SCLT1: variants seen among roughly 807,000 people sequenced by gnomAD.
The protein encoded by SCLT1 is sodium channel-associated protein 1.
In SCLT1, 78 loss-of-function variants were observed where a neutral mutation model predicts 112.8. That is an observed-to-expected ratio of 0.69 (90% CI 0.58 to 0.83). SCLT1 has a LOEUF of 0.83. Ranked by LOEUF, SCLT1 falls within the 40% of genes least tolerant of loss-of-function variation. The pLI is 0.00. For missense variants in SCLT1, 747 were observed against 770.4 expected (o/e 0.97, Z 0.36); for synonymous variants, 257 against 254.7 (o/e 1.01, Z -0.09).
intron 15 of SCLT1, among the ~76,000 whole-genome samples, chr4:128,947,485 C>T (rs1479625988): frequency 6.6e-6 from 1 of 151,800 alleles, no homozygotes; most frequent in Non-Finnish European, 1.5e-5. Context: ...TTTTCATGTT[C>T]ATAATAGATA....
chr4:129,033,409 A>G (rs1042575850), intron 5 of SCLT1, among the ~76,000 whole-genome samples: 1 of 146,058 alleles, frequency 6.8e-6, no homozygotes, highest in Non-Finnish European at 1.5e-5. Context: ...TAAAACCTGG[A>G]TGACGGGTTG....
At chr4:129,064,206 A>G (rs1334646242) in intron 2 of SCLT1, among the ~76,000 whole-genome samples, 1 of 152,186 alleles carries the variant, frequency 6.6e-6, no homozygotes, top group African/African-American at 2.4e-5. Flanking sequence ...TAAGAGTTCT[A>G]TATAAATTTA....
intron 5 of SCLT1, among the ~76,000 whole-genome samples, chr4:129,025,808 TCA>T (rs1746008589): frequency 6.6e-6 from 1 of 151,480 alleles, no homozygotes; most frequent in Non-Finnish European, 1.5e-5. Context: ...GAAACCCATC[TCA>T]CGTGCAGAGA....
Position 129,003,884 on chromosome 4 carries a change from A to G in SCLT1, c.291-8T>C, listed in dbSNP as rs368977692. 3.0e-5 allele frequency: 49 copies of G among 1,608,506 alleles called. No homozygotes were observed. The African/African-American group carries it at 6.3e-4, about 21-fold the overall frequency. On this transcript the variant is annotated splice_region_variant and splice_polypyrimidine_tract_variant and intron_variant, in intron 5 of 20. Coordinates refer to ENST00000281142, the MANE Select transcript of SCLT1 (RefSeq NM_144643.4). The stretch of plus-strand genomic sequence containing the variant: ...TTTAATTCACTGTGCAACCTTTGAA[A>G]CAAATAGTTAACATGATAGCCTCAA...
chr4:128,930,080 C>A (rs962145946), intron 18 of SCLT1, among the ~76,000 whole-genome samples: 1 of 152,114 alleles, frequency 6.6e-6, no homozygotes, highest in Non-Finnish European at 1.5e-5. Context: ...GGCCCTAAAA[C>A]CCCTTACTGT....
intron 5 of SCLT1, among the ~76,000 whole-genome samples, chr4:129,016,074 G>C (rs1443020772): frequency 6.6e-6 from 1 of 151,674 alleles, no homozygotes; most frequent in Non-Finnish European, 1.5e-5. Context: ...TTCAGTTCTA[G>C]AATGTTTTTT....
intron 5 of SCLT1, among the ~76,000 whole-genome samples, chr4:129,023,975 C>G (rs1231164320): frequency 6.6e-6 from 1 of 152,162 alleles, no homozygotes; most frequent in Non-Finnish European, 1.5e-5. Context: ...AAGGCGGCAG[C>G]GAGGCTGGGG....
chr4:129,036,095 C>T (rs1747158866), intron 5 of SCLT1, among the ~76,000 whole-genome samples: 1 of 151,730 alleles, frequency 6.6e-6, no homozygotes, highest in South Asian at 2.1e-4. Flanking sequence ...TTTTGTAGTC[C>T]TTAGCCACAA....
chr4:128,948,335 C>CAAAA (rs11312069), intron 15 of SCLT1, among the ~76,000 whole-genome samples, 161 bp downstream of exon 15: 1,037 of 47,780 alleles, frequency 0.022, no homozygotes, highest in Middle Eastern at 0.042. Flanking sequence ...GACTCCATTG[C>CAAAA]AAAAAAAAAA....
chr4:128,971,750 C>T (rs2034498), intron 9 of SCLT1: 42,228 of 152,022 alleles, frequency 0.28, 7,858 homozygotes, highest in African/African-American at 0.53. Flanking sequence ...AGGCCAGGTG[C>T]GGTGGCTCAT....
At chr4:129,056,141 T>A (rs1017646605) in intron 2 of SCLT1, among the ~76,000 whole-genome samples, 1 of 152,136 alleles carries the variant, frequency 6.6e-6, no homozygotes, top group Non-Finnish European at 1.5e-5. Flanking sequence ...CCCAATGAGA[T>A]GAACAGTTTA....
intron 1 of SCLT1, among the ~76,000 whole-genome samples, chr4:129,087,800 A>C (rs1334817672): frequency 6.6e-6 from 1 of 151,426 alleles, no homozygotes; most frequent in Non-Finnish European, 1.5e-5. Context: ...AAAAGCAAAA[A>C]ACCTTCATAG....
chr4:129,013,768 C>G (rs912685139), intron 5 of SCLT1, among the ~76,000 whole-genome samples: 2 of 152,152 alleles, frequency 1.3e-5, no homozygotes, highest in Admixed American at 6.5e-5. Flanking sequence ...CTTGTAAAAT[C>G]TGATGATTAT....
chr4:128,979,322 C>A (rs4975292), intron 9 of SCLT1, among the ~76,000 whole-genome samples: 14 of 152,038 alleles, frequency 9.2e-5, no homozygotes, highest in East Asian at 1.9e-4. Context: ...ATGATATTAC[C>A]AGGTGGGGCC....
At chr4:129,053,440 T>G (rs1158011001) in intron 2 of SCLT1, among the ~76,000 whole-genome samples, 6 of 152,194 alleles carry the variant, frequency 3.9e-5, no homozygotes, top group Non-Finnish European at 8.8e-5. Context: ...ATATTTAGGA[T>G]AGTCAGCACT....
intron 2 of SCLT1, among the ~76,000 whole-genome samples, chr4:129,053,559 T>TTTTTTTTTG: frequency 2.2e-5 from 1 of 46,070 alleles, no homozygotes; most frequent in African/African-American, 7.8e-5. Context: ...AATCCCTGAT[T>TTTTTTTTTG]TTTTTTTTTT....
chr4:128,883,489 G>A (rs1732694122), downstream of SCLT1, among the ~76,000 whole-genome samples: 1 of 151,950 alleles, frequency 6.6e-6, no homozygotes. Flanking sequence ...AAACCACTAT[G>A]GCACAGGTAT....
At chr4:129,085,622 A>G (rs78803808) in intron 1 of SCLT1, among the ~76,000 whole-genome samples, 2,147 of 152,318 alleles carry the variant, frequency 0.014, 53 homozygotes, top group African/African-American at 0.046. Context: ...CTTAATGCCT[A>G]TCAATGGTGG....
At chr4:129,044,570 C>CA (rs1182858669) in intron 2 of SCLT1, among the ~76,000 whole-genome samples, 1 of 151,040 alleles carries the variant, frequency 6.6e-6, no homozygotes, top group Non-Finnish European at 1.5e-5. Flanking sequence ...ATAAAGCAAA[C>CA]AAAAAATGGT....
Sources: gnomAD v4.1 joint callset for allele counts (sites outside exome capture counted in the v4.1 genomes callset) on GRCh38, gnomAD v4.1.1 for gene constraint, MANE v1.5 for transcripts, NCBI Gene and HGNC (gene_info 2026-07-23, HGNC 2026-07-21) for gene names.